The following RAPGEF2 variants were observed in gnomAD, a reference collection of about 807,000 sequenced individuals.
RAPGEF2 encodes PDZ domain containing guanine nucleotide exchange factor (GEF) 1.
In RAPGEF2, 54 loss-of-function variants were observed where a neutral mutation model predicts 186.7. The observed-to-expected ratio is 0.29, with a 90% CI of 0.23 to 0.36. The LOEUF is 0.36. Among genes scored for constraint, RAPGEF2 ranks in the 10% least tolerant of loss-of-function variants. The probability of loss-of-function intolerance (pLI) is 1.00; values close to 1 mark genes in which losing one functional copy is unlikely to be tolerated. For missense variants in RAPGEF2, 1,532 were observed against 2,045.0 expected, an observed-to-expected ratio of 0.75 and a Z score of 4.84; for synonymous variants, 712 against 705.9, an observed-to-expected ratio of 1.01 and a Z score of -0.14.
At chr4:159,261,001 C>T (rs374952061) in intron 7 of RAPGEF2, among the ~76,000 whole-genome samples, 12 of 152,202 alleles carry the variant, frequency 7.9e-5, no homozygotes, top group Admixed American at 2.6e-4. Flanking sequence ...TCTTCCGCCT[C>T]GCCTTGGCCT....
At chr4:159,349,448 G>T (rs953950624) in intron 25 of RAPGEF2, among the ~76,000 whole-genome samples, 12 of 152,010 alleles carry the variant, frequency 7.9e-5, no homozygotes, top group African/African-American at 2.7e-4. Context: ...TTGACATGTA[G>T]AATAATTTTT....
intron 7 of RAPGEF2, among the ~76,000 whole-genome samples, chr4:159,265,003 G>A (rs1168226790): frequency 1.3e-5 from 2 of 152,136 alleles, no homozygotes; most frequent in South Asian, 2.1e-4. Context: ...TTTATCTGTC[G>A]ATGAACACTT....
Position 159,180,481 on chromosome 4 carries a change from T to C in RAPGEF2, c.70-6161T>C, listed in dbSNP as rs185370486. Among the ~76,000 whole-genome samples the C allele has an allele frequency of 3.3e-5, 5 of 152,330 alleles. No individual in the cohort carries two copies. The East Asian group carries it at 9.6e-4, about 29-fold the overall frequency. On this transcript the variant is annotated intron_variant, in intron 1 of 29. Coordinates refer to ENST00000691494, the MANE Select transcript of RAPGEF2 (RefSeq NM_001394067.2). ...GAGTCTATCTGTAAAGCCACCTAAC[T>C]GCATCTATAATAGCAGAATAATGTA...
chr4:159,184,332 C>T (rs76418301), intron 1 of RAPGEF2, among the ~76,000 whole-genome samples: 1 of 151,998 alleles, frequency 6.6e-6, no homozygotes, highest in East Asian at 1.9e-4. Flanking sequence ...CTTCCACAAT[C>T]GTTGAACTAG....
chr4:159,113,156 A>G (rs968760382), intron 1 of RAPGEF2, among the ~76,000 whole-genome samples: 3 of 152,224 alleles, frequency 2.0e-5, no homozygotes, highest in African/African-American at 7.2e-5. Context: ...AACTAAGGAC[A>G]TGTGATAACC....
chr4:159,184,048 G>A (rs1005188062), intron 1 of RAPGEF2, among the ~76,000 whole-genome samples: 10 of 152,106 alleles, frequency 6.6e-5, no homozygotes, highest in African/African-American at 2.2e-4. Flanking sequence ...AGCTTCATCT[G>A]TGTCCCTACA....
chr4:159,314,955 A>C (rs1051318721), intron 9 of RAPGEF2, among the ~76,000 whole-genome samples, 187 bp downstream of exon 9: 1 of 152,224 alleles, frequency 6.6e-6, no homozygotes, highest in Non-Finnish European at 1.5e-5. Context: ...TCTTACCTTC[A>C]GGAGTCTACA....
chr4:159,350,300 ATTAC>A lies in RAPGEF2; in HGVS notation c.3865+14_3865+17del. Reference sequence around the variant, plus strand: ...GTTCTCCAAGGAAAGGTAGAATTAAATTACTTTTTGTTTTCTTGTATTGAAACCT... The same window carrying A: ...GTTCTCCAAGGAAAGGTAGAATTAAATTTTTGTTTTCTTGTATTGAAACCT... On this transcript the variant is annotated intron_variant, in intron 26 of 29. Coordinates refer to ENST00000691494, the MANE Select transcript of RAPGEF2 (RefSeq NM_001394067.2). 6.5e-7 allele frequency: 1 copy of A among 1,535,284 alleles called. No homozygotes were observed. The highest frequency in any genetic ancestry group is 8.7e-7 in the Non-Finnish European group (1 of 1,143,756).
intron 1 of RAPGEF2, among the ~76,000 whole-genome samples, chr4:159,107,232 A>G (rs917029689): frequency 1.6e-4 from 25 of 152,086 alleles, no homozygotes; most frequent in African/African-American, 6.0e-4. Flanking sequence ...GAAAAACAGG[A>G]CTCTTAAGTA....
chr4:159,243,931 A>T (rs1410300159), intron 7 of RAPGEF2, 140 bp downstream of exon 7: 1 of 580,932 alleles, frequency 1.7e-6, no homozygotes, highest in Non-Finnish European at 2.8e-6. Context: ...CTTTGAAATT[A>T]TCAGTGGTTT....
At chr4:159,149,448 AG>A (rs1001802864) in intron 1 of RAPGEF2, among the ~76,000 whole-genome samples, 5 of 151,984 alleles carry the variant, frequency 3.3e-5, no homozygotes, top group Non-Finnish European at 7.4e-5. Flanking sequence ...TAGTGGAGAC[AG>A]GGTTTCAGCA....
chr4:159,134,976 C>T (rs901218817), intron 1 of RAPGEF2, among the ~76,000 whole-genome samples: 1 of 152,202 alleles, frequency 6.6e-6, no homozygotes, highest in African/African-American at 2.4e-5. Context: ...TGGCTTCTTT[C>T]ATTTAGCATA....
At chr4:159,317,588 A>G (rs1267923211) in intron 9 of RAPGEF2, among the ~76,000 whole-genome samples, 2 of 152,036 alleles carry the variant, frequency 1.3e-5, no homozygotes, top group Admixed American at 6.6e-5. Flanking sequence ...CTGATTTACA[A>G]TTTCTAAAAA....
chr4:159,139,307 C>G (rs149093422), intron 1 of RAPGEF2, among the ~76,000 whole-genome samples: 2 of 152,114 alleles, frequency 1.3e-5, no homozygotes, highest in South Asian at 4.1e-4. Context: ...TTGGTATGCA[C>G]GAGTCAAATG....
At chr4:159,273,667 T>G (rs1426035720) in intron 7 of RAPGEF2, among the ~76,000 whole-genome samples, 1 of 150,366 alleles carries the variant, frequency 6.7e-6, no homozygotes, top group Non-Finnish European at 1.5e-5. Context: ...TCTTTCTTTC[T>G]TTCTTTCTTT....
intron 1 of RAPGEF2, among the ~76,000 whole-genome samples, chr4:159,150,603 T>G (rs1743435714): frequency 6.6e-6 from 1 of 152,142 alleles, no homozygotes; most frequent in African/African-American, 2.4e-5. Flanking sequence ...GTTTACTGTA[T>G]AAGAATTGAA....
chr4:159,320,241 A>G (rs1008985205), intron 9 of RAPGEF2, among the ~76,000 whole-genome samples: 5 of 152,172 alleles, frequency 3.3e-5, no homozygotes, highest in Non-Finnish European at 5.9e-5. Context: ...TTTATAATGC[A>G]AATCAAAAGG....
chr4:159,153,118 A>G (rs1007592489), intron 1 of RAPGEF2, among the ~76,000 whole-genome samples: 4 of 152,174 alleles, frequency 2.6e-5, no homozygotes, highest in African/African-American at 9.7e-5. Context: ...TTATCAAACA[A>G]CTTCATTACA....
chr4:159,178,684 A>G (rs1417258261), intron 1 of RAPGEF2, among the ~76,000 whole-genome samples: 1 of 145,880 alleles, frequency 6.9e-6, no homozygotes, highest in Non-Finnish European at 1.5e-5. Flanking sequence ...CAGCCCCCCA[A>G]GTAGCTGGGC....
Sources: gnomAD v4.1 joint callset for allele counts (sites outside exome capture counted in the v4.1 genomes callset) on GRCh38, gnomAD v4.1.1 for gene constraint, MANE v1.5 for transcripts, NCBI Gene and HGNC (gene_info 2026-07-23, HGNC 2026-07-21) for gene names.